The following GPHN variants were observed in gnomAD, a reference collection of about 807,000 sequenced individuals.
The protein encoded by GPHN is gephyrin.
In GPHN, 17 loss-of-function variants were observed where a neutral mutation model predicts 95.5. That is an observed-to-expected ratio of 0.18 (90% CI 0.12 to 0.27). The LOEUF is 0.27. Ranked by LOEUF, GPHN falls within the 10% of genes least tolerant of loss-of-function variation. The pLI is 1.00. For missense variants in GPHN, 660 were observed against 978.1 expected, an observed-to-expected ratio of 0.67 and a Z score of 4.34; for synonymous variants, 320 against 322.5, an observed-to-expected ratio of 0.99 and a Z score of 0.08.
chr14:66,938,601 G>C (rs1363196364), intron 8 of GPHN, among the ~76,000 whole-genome samples: 2 of 152,080 alleles, frequency 1.3e-5, no homozygotes, highest in African/African-American at 2.4e-5. Context: ...TCCAAAAGTT[G>C]TCCAAGCAGA....
chr14:67,376,448 A>G, the GPHN span: 3 of 1,608,028 alleles, frequency 1.9e-6, no homozygotes, highest in Non-Finnish European at 2.5e-6. Flanking sequence ...GGTTTATAGC[A>G]TTCTTCGTCA....
At chr14:67,688,511 T>C in the GPHN span, among the ~76,000 whole-genome samples, 1 of 151,932 alleles carries the variant, frequency 6.6e-6, no homozygotes, top group Non-Finnish European at 1.5e-5. Context: ...ATAATGGTCA[T>C]ATGAAGGGAG....
chr14:66,855,737 TATAG>T (rs1172606319), intron 4 of GPHN, among the ~76,000 whole-genome samples: 1 of 152,132 alleles, frequency 6.6e-6, no homozygotes, highest in South Asian at 2.1e-4. Flanking sequence ...GTTCTTATAC[TATAG>T]ATAAAGAACT....
the GPHN span, chr14:67,579,497 T>C: frequency 1.5e-6 from 1 of 662,422 alleles, no homozygotes; most frequent in Non-Finnish European, 2.5e-6. Context: ...CTCCAAAAGA[T>C]TGTTGGTAAA....
At chr14:67,379,429 T>G in the GPHN span, among the ~76,000 whole-genome samples, 1 of 152,196 alleles carries the variant, frequency 6.6e-6, no homozygotes, top group Non-Finnish European at 1.5e-5. Context: ...TTGTATTTCT[T>G]CTGTGAAACA....
rs566546893 is a variant in GPHN at position 67,168,419 on chromosome 14, C to A, written c.1976-514C>A. Among the ~76,000 whole-genome samples, 52 of 152,202 alleles carry A rather than the reference C, an allele frequency of 3.4e-4. No individual in the cohort carries two copies. The South Asian group carries it at 7.7e-3, about 22-fold the overall frequency. ...CCATAACAGTATTCATCTTCAGGTC[C>A]TTAAAACACTTCTTAAATCATTTGG... On this transcript the variant is annotated intron_variant, in intron 20 of 22. Coordinates refer to ENST00000478722, the MANE Select transcript of GPHN (RefSeq NM_020806.5).
chr14:67,616,690 T>C, the GPHN span: 1 of 151,776 alleles, frequency 6.6e-6, no homozygotes, highest in African/African-American at 2.4e-5. Context: ...TCAGATTTTT[T>C]TTTTTTTTAA....
chr14:67,688,894 T>C, the GPHN span, among the ~76,000 whole-genome samples: 2 of 150,162 alleles, frequency 1.3e-5, no homozygotes, highest in Admixed American at 6.6e-5. Flanking sequence ...ATTCATCCCC[T>C]GTCCCCTAAC....
the GPHN span, among the ~76,000 whole-genome samples, chr14:67,421,746 C>T: frequency 1.3e-5 from 2 of 152,132 alleles, no homozygotes; most frequent in East Asian, 3.9e-4. Context: ...GAGGGGCCCT[C>T]CAACACTTTG....
At chr14:67,392,207 G>A in the GPHN span, 2 of 727,660 alleles carry the variant, frequency 2.7e-6, no homozygotes, top group Non-Finnish European at 4.9e-6. Flanking sequence ...TGCTTTCGTA[G>A]ATTTTGCTGT....
At chr14:67,473,972 G>C in the GPHN span, 1 of 1,539,892 alleles carries the variant, frequency 6.5e-7, no homozygotes, top group Non-Finnish European at 8.7e-7. This position sits in a 1 kb window ranked among gnomAD's most constrained non-coding sequence, Gnocchi z 6.5. Flanking sequence ...ACAGGTGAGG[G>C]CCGGGCGCGG....
chr14:67,661,254 ACT>A, the GPHN span, among the ~76,000 whole-genome samples: 4 of 126,022 alleles, frequency 3.2e-5, no homozygotes, highest in Non-Finnish European at 6.4e-5. Flanking sequence ...GAGTCAAAGG[ACT>A]CTTGCTTCTA....
chr14:67,044,738 T>TTCCTCC (rs3036765), intron 10 of GPHN, among the ~76,000 whole-genome samples: 3 of 150,636 alleles, frequency 2.0e-5, no homozygotes, highest in Non-Finnish European at 4.4e-5. Flanking sequence ...GAGTACCCCC[T>TTCCTCC]TCCTCCTCCT....
intron 10 of GPHN, among the ~76,000 whole-genome samples, chr14:67,040,378 A>T (rs537097939): frequency 6.6e-6 from 1 of 152,210 alleles, no homozygotes; most frequent in South Asian, 2.1e-4. Context: ...TTTAATGTGT[A>T]TTTCCTTCCA....
At position 66,976,069 on chromosome 14, in the gene GPHN, G is replaced by A. The variant is rs188420965; in HGVS notation, c.963+10744G>A. ...ATTTTATTAATCTCCAATTAATACA[G>A]AATAATTTACATGTGTTTATCTTTT... is the stretch of plus-strand genomic sequence containing the variant. On this transcript the variant is annotated intron_variant, in intron 9 of 22. Transcript: ENST00000478722. 8.9e-3 allele frequency among the ~76,000 whole-genome samples: 1,358 copies of A among 152,208 alleles called. 25 individuals carry two copies. The highest frequency in any genetic ancestry group is 0.03 in the African/African-American group (1,259 of 41,540).
At chr14:67,174,645 G>A (rs2082816367) in intron 21 of GPHN, among the ~76,000 whole-genome samples, 1 of 152,138 alleles carries the variant, frequency 6.6e-6, no homozygotes. Context: ...AGATCCTTGA[G>A]GAATCTCCAC....
intron 9 of GPHN, among the ~76,000 whole-genome samples, chr14:67,016,654 C>G (rs898093310): frequency 6.6e-6 from 1 of 152,026 alleles, no homozygotes; most frequent in Non-Finnish European, 1.5e-5. Flanking sequence ...AATAAGAAAA[C>G]CAAGACCCAT....
At chr14:67,574,489 C>T in the GPHN span, 1 of 1,128,064 alleles carries the variant, frequency 8.9e-7, no homozygotes, top group Middle Eastern at 3.1e-4. This position sits in a 1 kb window ranked among gnomAD's most constrained non-coding sequence, Gnocchi z 4.2. Context: ...TGGTGGGTTC[C>T]CCCTTATACG....
the GPHN span, chr14:67,471,341 AGT>A: frequency 6.6e-6 from 1 of 152,292 alleles, no homozygotes; most frequent in Non-Finnish European, 1.5e-5. Flanking sequence ...GAAGGTGGGT[AGT>A]GTGGTCTAGG....
Sources: gnomAD v4.1 joint callset for allele counts (sites outside exome capture counted in the v4.1 genomes callset) on GRCh38, gnomAD v4.1.1 for gene constraint, Gnocchi (gnomAD v3.1) non-coding constraint, MANE v1.5 for transcripts, NCBI Gene and HGNC (gene_info 2026-07-23, HGNC 2026-07-21) for gene names.